The following PTGFRN variants were observed in gnomAD, a reference collection of about 807,000 sequenced individuals.
The protein encoded by PTGFRN is prostaglandin F2 receptor negative regulator.
Under a neutral mutation model 83.2 loss-of-function variants are expected in PTGFRN, and 35 were observed. The observed-to-expected ratio is 0.42, with a 90% confidence interval of 0.32 to 0.56. The LOEUF is 0.56. PTGFRN is among the 20% of genes least tolerant of loss of function. The pLI, the probability that PTGFRN is intolerant of heterozygous loss-of-function variation, is 0.11. For missense variants in PTGFRN, 1,051 were observed against 1,179.5 expected, an observed-to-expected ratio of 0.89 and a Z score of 1.60; for synonymous variants, 519 against 498.6, an observed-to-expected ratio of 1.04 and a Z score of -0.55.
intron 4 of PTGFRN, among the ~76,000 whole-genome samples, chr1:116,957,502 G>T (rs113269882): frequency 4.6e-5 from 7 of 152,022 alleles, no homozygotes; most frequent in African/African-American, 1.7e-4. Context: ...TTAATTGACA[G>T]ATTAAAATTA....
At chr1:116,920,820 C>T (rs1649517060) in intron 1 of PTGFRN, among the ~76,000 whole-genome samples, 1 of 152,116 alleles carries the variant, frequency 6.6e-6, no homozygotes, top group Admixed American at 6.5e-5. Context: ...GACGGGGCTT[C>T]ACCATGTTGG....
At chr1:116,921,236 A>T (rs758593929) in intron 1 of PTGFRN, among the ~76,000 whole-genome samples, 1 of 152,184 alleles carries the variant, frequency 6.6e-6, no homozygotes, top group Non-Finnish European at 1.5e-5. Flanking sequence ...TTGGATGCAG[A>T]TATTTTTGAG....
chr1:116,929,195 C>T (rs188000620), intron 1 of PTGFRN, among the ~76,000 whole-genome samples: 5 of 152,308 alleles, frequency 3.3e-5, no homozygotes, highest in African/African-American at 9.6e-5. Flanking sequence ...CTTCTTCATT[C>T]CCCACATTCA....
chr1:116,961,450 A>T lies in PTGFRN; in HGVS notation c.1421A>T (p.Lys474Ile). The T allele has an allele frequency of 6.2e-7, 1 of 1,614,168 alleles. No individual in the cohort carries two copies. The highest frequency in any genetic ancestry group is 1.6e-4 in the Middle Eastern group (1 of 6,062). ...LAVMDGDWTL[K>I]YGERSKQRAQ... ...GTCATGGACGGGGACTGGACGCTAA[A>T]ATATGGAGAGAGGAGCAAGCAGCGG... Residue 474 changes from lysine to isoleucine, a missense_variant, in exon 5 of 9, where the codon AAA (lysine) becomes ATA (isoleucine). Physicochemically the swap from Lys to Ile is moderately radical, Grantham distance 102 (BLOSUM62 -3). Around this residue, in one of 3 missense-constraint regions of PTGFRN, gnomAD observed 719 missense variants for 836.6 expected, o/e 0.86. Coordinates refer to ENST00000393203, the MANE Select transcript of PTGFRN (RefSeq NM_020440.4). This position sits in a 1 kb window ranked among gnomAD's most constrained non-coding sequence, Gnocchi z 5.4.
At chr1:116,931,446 T>C (rs1047330661) in intron 1 of PTGFRN, among the ~76,000 whole-genome samples, 3 of 152,114 alleles carry the variant, frequency 2.0e-5, no homozygotes, top group Non-Finnish European at 4.4e-5. Flanking sequence ...TGAGTTATCT[T>C]ATCTTACATT....
At chr1:116,935,211 C>A (rs1216748840) in intron 1 of PTGFRN, among the ~76,000 whole-genome samples, 1 of 152,166 alleles carries the variant, frequency 6.6e-6, no homozygotes, top group Non-Finnish European at 1.5e-5. Flanking sequence ...GGATCTTGCT[C>A]CTCAAACTCT....
At chr1:116,939,290 C>T (rs1650004991) in intron 1 of PTGFRN, among the ~76,000 whole-genome samples, 1 of 152,246 alleles carries the variant, frequency 6.6e-6, no homozygotes. Flanking sequence ...GAGCCCCACC[C>T]CTGCAACAAA....
At chr1:116,962,892 C>T (rs1439320720) in intron 5 of PTGFRN, among the ~76,000 whole-genome samples, 4 of 152,198 alleles carry the variant, frequency 2.6e-5, no homozygotes, top group Non-Finnish European at 5.9e-5. Flanking sequence ...GTCCAGCGTA[C>T]ACCTGGAATG....
rs934356089 is a variant in PTGFRN, at chr1:116,923,420, A to G, written c.49+13168A>G. The stretch of plus-strand genomic sequence containing the variant: ...GGTAGAGTAGGAAAAAATGAAATCT[A>G]TACATGTTAAAGAAGGGGTGAGAAA... On this transcript the variant is annotated intron_variant, in intron 1 of 8. Coordinates refer to ENST00000393203, the MANE Select transcript of PTGFRN (RefSeq NM_020440.4). This position sits in a 1 kb window ranked among gnomAD's most constrained non-coding sequence, Gnocchi z 4.0. Among the ~76,000 whole-genome samples, 17 of 152,130 alleles carry G rather than the reference A, an allele frequency of 1.1e-4. No individual in the cohort carries two copies. The highest frequency in any genetic ancestry group is 3.9e-4 in the African/African-American group (16 of 41,416).
At chr1:116,969,277 T>C (rs1174777923) in intron 6 of PTGFRN, among the ~76,000 whole-genome samples, 2 of 152,190 alleles carry the variant, frequency 1.3e-5, no homozygotes, top group African/African-American at 4.8e-5. Context: ...AATTTTTGTA[T>C]GTGGTTAAGA....
chr1:116,926,562 C>CT (rs1341016371), intron 1 of PTGFRN, among the ~76,000 whole-genome samples: 11 of 152,008 alleles, frequency 7.2e-5, no homozygotes, highest in Non-Finnish European at 1.3e-4. Flanking sequence ...GTTTTTGCAT[C>CT]TTTTTTTTAT....
At position 116,988,989 on chromosome 1, in the gene PTGFRN, G is replaced by A. The variant is rs535203015; in HGVS notation, c.*2022G>A. 2 of 152,230 alleles carry A rather than the reference G, an allele frequency of 1.3e-5. No homozygotes were observed. The highest frequency in any genetic ancestry group is 2.9e-5 in the Non-Finnish European group (2 of 68,040). 9.4% of individuals were successfully genotyped at this position (152,230 alleles called of 1,614,324 possible). A position where few individuals can be genotyped will look rare whatever the true frequency, so the allele number is the denominator to read the frequency against. On this transcript the variant is annotated 3_prime_UTR_variant, in exon 9 of 9. Transcript: ENST00000393203. ...GGTGATTGTACAAGTGAGAATTAAA[G>A]AGAGAACAGATATTTAAACAGGTGC... is the stretch of plus-strand genomic sequence containing the variant.
At chr1:116,971,432 T>C in intron 6 of PTGFRN, among the ~76,000 whole-genome samples, 1 of 152,198 alleles carries the variant, frequency 6.6e-6, no homozygotes, top group South Asian at 2.1e-4. Context: ...TCCTATACTC[T>C]CTGCAGACTA....
In PTGFRN at chr1:116,981,270, A is replaced by G. The variant is rs549146878; in HGVS notation, c.2168-3410A>G. Among the ~76,000 whole-genome samples the G allele has an allele frequency of 9.4e-4, 143 of 152,202 alleles. 1 individual carries two copies. The highest frequency in any genetic ancestry group is 6.8e-3 in the Middle Eastern group (2 of 292). Reference sequence around the variant, plus strand: ...TCCTAAAGAACTCATGAAGACCCTAATTCCCTATGGGCTTCCCTTGTCTCC... The same window carrying G: ...TCCTAAAGAACTCATGAAGACCCTAGTTCCCTATGGGCTTCCCTTGTCTCC... On this transcript the variant is annotated intron_variant, in intron 7 of 8. Transcript: ENST00000393203.
At chr1:116,932,744 G>A (rs1432307788) in intron 1 of PTGFRN, among the ~76,000 whole-genome samples, 1 of 152,054 alleles carries the variant, frequency 6.6e-6, no homozygotes, top group East Asian at 1.9e-4. Context: ...TGAAATATAG[G>A]GAATTTTAAG....
Position 116,944,665 on chromosome 1 carries a change from TTC to T in PTGFRN, c.419-7_419-6del. The stretch of plus-strand genomic sequence containing the variant: ...GTGTGGACGGGCTACTGACCTAGCT[TTC>T]TCTCTCCGCAGTGCTGGCCGACTCC... On this transcript the variant is annotated splice_polypyrimidine_tract_variant and intron_variant, in intron 2 of 8. Transcript: ENST00000393203. 3 of 1,406,022 alleles carry T rather than the reference TTC, an allele frequency of 2.1e-6. No individual in the cohort carries two copies. Among genetic ancestry groups the T allele is most frequent in the Non-Finnish European group, 2.8e-6 (3 of 1,079,760 alleles). The allele number at this position is 1,406,022 out of a possible 1,614,324, so 87.1% of individuals were successfully genotyped here.
chr1:116,924,291 C>T (rs1391239535), intron 1 of PTGFRN, among the ~76,000 whole-genome samples: 2 of 143,072 alleles, frequency 1.4e-5, no homozygotes, highest in Admixed American at 6.7e-5. Context: ...GGATTACAGG[C>T]GCCTGCCACC....
chr1:116,931,563 T>C (rs1649804203), intron 1 of PTGFRN, among the ~76,000 whole-genome samples: 1 of 151,964 alleles, frequency 6.6e-6, no homozygotes, highest in African/African-American at 2.4e-5. Flanking sequence ...TGGATGGGGT[T>C]TTGAAGTTCT....
chr1:116,975,805 A>G (rs1379075949), intron 7 of PTGFRN, among the ~76,000 whole-genome samples: 2 of 152,168 alleles, frequency 1.3e-5, no homozygotes, highest in East Asian at 3.8e-4. Context: ...AAATTCTAAA[A>G]ATCAGAGCAC....
Sources: gnomAD v4.1 joint callset for allele counts (sites outside exome capture counted in the v4.1 genomes callset) on GRCh38, gnomAD v4.1.1 for gene constraint, gnomAD v4.1.1 regional missense constraint, Gnocchi (gnomAD v3.1) non-coding constraint, MANE v1.5 for transcripts, NCBI Gene and HGNC (gene_info 2026-07-23, HGNC 2026-07-21) for gene names.